LRBA: variants seen among roughly 807,000 people sequenced by gnomAD.
The protein encoded by LRBA is lipopolysaccharide-responsive and beige-like anchor protein.
Under a neutral mutation model 330.0 loss-of-function variants are expected in LRBA, and 176 were observed. The ratio of observed to expected loss-of-function variants is 0.53; its 90% confidence interval spans 0.47 to 0.60. The LOEUF is 0.60. LRBA is among the 20% of genes least tolerant of loss of function. The probability of loss-of-function intolerance (pLI) is 0.00; values close to 1 mark genes in which losing one functional copy is unlikely to be tolerated. For synonymous variants in LRBA, 1,230 were observed against 1,193.0 expected (o/e 1.03, Z -0.64); for missense variants, 3,259 against 3,444.8 (o/e 0.95, Z 1.35).
chr4:150,449,647 A>G (rs1753107705), intron 44 of LRBA, among the ~76,000 whole-genome samples: 1 of 152,102 alleles, frequency 6.6e-6, no homozygotes, highest in East Asian at 1.9e-4. Flanking sequence ...CCAAATTCTT[A>G]CAGAAGAATT....
chr4:150,684,054 G>C (rs1467684012), intron 36 of LRBA: 6 of 75,394 alleles, frequency 8.0e-5, no homozygotes, highest in Admixed American at 5.5e-4. Flanking sequence ...AGTGAATAAG[G>C]AGAATAATGG....
intron 4 of LRBA, among the ~76,000 whole-genome samples, chr4:150,928,072 C>T (rs945368917): frequency 2.0e-5 from 3 of 152,200 alleles, no homozygotes; most frequent in African/African-American, 4.8e-5. Flanking sequence ...ACCCCCATCA[C>T]TACCCATTGC....
intron 38 of LRBA, among the ~76,000 whole-genome samples, chr4:150,593,464 G>A (rs577034324): frequency 5.9e-5 from 9 of 152,150 alleles, no homozygotes; most frequent in Admixed American, 2.6e-4. Flanking sequence ...ATTAGAGTCA[G>A]GATTTAAAAA....
intron 48 of LRBA, among the ~76,000 whole-genome samples, chr4:150,334,134 T>A (rs1734333970): frequency 6.6e-6 from 1 of 152,106 alleles, no homozygotes; most frequent in East Asian, 1.9e-4. Context: ...TCAAATTATT[T>A]AAAAAGAGTC....
At chr4:150,302,879 T>C in intron 52 of LRBA, 87 bp from the exon 53 acceptor site, 1 of 927,764 alleles carries the variant, frequency 1.1e-6, no homozygotes, top group Non-Finnish European at 1.6e-6. Flanking sequence ...AACGAAGCTA[T>C]ATGAACTCTG....
chr4:150,841,764 C>T (rs566681913), intron 28 of LRBA, among the ~76,000 whole-genome samples: 7 of 152,052 alleles, frequency 4.6e-5, no homozygotes, highest in Non-Finnish European at 7.4e-5. Flanking sequence ...GCCATTCTCC[C>T]GCCTCAGCCT....
chr4:150,363,506 T>C, intron 47 of LRBA, among the ~76,000 whole-genome samples: 1 of 152,340 alleles, frequency 6.6e-6, no homozygotes, highest in East Asian at 1.9e-4. Context: ...AGTTATATAT[T>C]TGTTTACTTT....
chr4:150,873,866 T>TATAA (rs1753719385), intron 17 of LRBA, among the ~76,000 whole-genome samples: 1 of 152,112 alleles, frequency 6.6e-6, no homozygotes, highest in Non-Finnish European at 1.5e-5. Flanking sequence ...AAAGCAGGTA[T>TATAA]ATAAAAAAGA....
At chr4:150,730,757 C>T (rs1730343658) in intron 36 of LRBA, among the ~76,000 whole-genome samples, 1 of 150,656 alleles carries the variant, frequency 6.6e-6, no homozygotes, top group East Asian at 2.0e-4. Context: ...GTGACTCACA[C>T]CTGTAATCTC....
intron 17 of LRBA, among the ~76,000 whole-genome samples, chr4:150,877,923 G>A (rs537163661): frequency 2.0e-5 from 3 of 152,266 alleles, no homozygotes; most frequent in Non-Finnish European, 4.4e-5. Context: ...ACTTGCTCCT[G>A]AATGACTTTT....
At chr4:150,620,018 T>C (rs1397059434) in intron 37 of LRBA, among the ~76,000 whole-genome samples, 2 of 152,154 alleles carry the variant, frequency 1.3e-5, no homozygotes, top group South Asian at 2.1e-4. Context: ...AAAAAATTTA[T>C]TGTATTCCTA....
intron 36 of LRBA, among the ~76,000 whole-genome samples, chr4:150,725,389 G>C (rs960121786): frequency 1.3e-5 from 2 of 152,172 alleles, no homozygotes; most frequent in African/African-American, 4.8e-5. Flanking sequence ...TCTGGCAGCA[G>C]ACTTTTCAGC....
chr4:150,828,375 C>A lies in LRBA; in HGVS notation c.4976G>T (p.Gly1659Val). 6.2e-7 allele frequency: 1 copy of A among 1,613,974 alleles called. No individual in the cohort carries two copies. Among genetic ancestry groups the A allele is most frequent in the South Asian group, 1.1e-5 (1 of 91,070 alleles). The part of the protein sequence containing the change: ...NKSPETKNDR[G>V]NDLDTKATPS... ...TGTAGCCTTAGTGTCCAAGTCATTT[C>A]CTCTATCATTTTTGGTTTCCGGAGA... The change falls in exon 30 of 57, where the codon GGA becomes GTA. Residue 1659 changes from glycine to valine, a missense_variant. Physicochemically the swap from Gly to Val is moderately radical, Grantham distance 109. Coordinates refer to ENST00000651943, the MANE Select transcript of LRBA (RefSeq NM_001364905.1).
Position 150,533,664 on chromosome 4 carries a change from T to C in LRBA, c.6331-42629A>G, listed in dbSNP as rs1764289338. ...TAAGTATTTCTCCTTTGTAGTAGCA[T>C]GACGTTGTTGAGCTTTTTCAACAGA... On this transcript the variant is annotated intron_variant, in intron 40 of 56. Coordinates refer to ENST00000651943, the MANE Select transcript of LRBA (RefSeq NM_001364905.1). 2.0e-5 allele frequency among the ~76,000 whole-genome samples: 3 copies of C among 152,206 alleles called. No individual in the cohort carries two copies. The South Asian group carries it at 6.2e-4, about 32-fold the overall frequency.
At chr4:150,787,572 G>T (rs1739267420) in intron 34 of LRBA, among the ~76,000 whole-genome samples, 1 of 152,028 alleles carries the variant, frequency 6.6e-6, no homozygotes, top group African/African-American at 2.4e-5. Context: ...TGGGGTACAT[G>T]AGATGTTTTG....
intron 40 of LRBA, among the ~76,000 whole-genome samples, chr4:150,526,635 A>G (rs372566829): frequency 2.0e-5 from 3 of 152,186 alleles, no homozygotes; most frequent in African/African-American, 7.2e-5. Context: ...AAACCTTTAT[A>G]TTAATCTATG....
At chr4:150,579,935 C>T (rs1771060069) in intron 40 of LRBA, 1 of 331,770 alleles carries the variant, frequency 3.0e-6, no homozygotes, top group Non-Finnish European at 6.0e-6. Flanking sequence ...CCAGTCTCCG[C>T]CCAGTAACTG....
Position 150,350,335 on chromosome 4 carries a change from G to T in LRBA, c.7195-176C>A, listed in dbSNP as rs573906519. On this transcript the variant is annotated intron_variant, in intron 47 of 56. Coordinates refer to ENST00000651943, the MANE Select transcript of LRBA (RefSeq NM_001364905.1). ...GCCTATAATCCCAGCACTCTGGGAG[G>T]CCGAGGTGGGCAGACCATGAGGTCA... 2.6e-5 allele frequency among the ~76,000 whole-genome samples: 4 copies of T among 152,310 alleles called. No individual in the cohort carries two copies. In the South Asian group the frequency reaches 8.3e-4, roughly 32 times the overall value.
At chr4:150,897,969 A>AG (rs1730291128) in intron 14 of LRBA, 151 bp from the exon 15 acceptor site, 1 of 606,278 alleles carries the variant, frequency 1.6e-6, no homozygotes, top group African/African-American at 1.9e-5. Context: ...GCCTCTAGAA[A>AG]GACAAGTGTT....
Sources: allele counts gnomAD v4.1 joint callset (sites outside exome capture counted in the v4.1 genomes callset), GRCh38; gene constraint gnomAD v4.1.1; transcripts MANE v1.5; gene names NCBI Gene and HGNC (gene_info 2026-07-23, HGNC 2026-07-21).